Variants in HYCC1 observed in about 807,000 individuals in gnomAD.
HYCC1 encodes the protein hyccin PI4KA lipid kinase complex subunit 1, also known as hyccin.
the HYCC1 span, among the ~76,000 whole-genome samples, chr7:22,998,720 C>T: frequency 1.3e-5 from 2 of 152,162 alleles, no homozygotes; most frequent in Admixed American, 6.6e-5. Context: ...GCTGATCACA[C>T]AGCCTTCTGG....
At chr7:22,916,180 C>T in the HYCC1 span, among the ~76,000 whole-genome samples, 1 of 152,150 alleles carries the variant, frequency 6.6e-6, no homozygotes, top group Non-Finnish European at 1.5e-5. Flanking sequence ...CCTATAAACT[C>T]TCCTTACAAT....
the HYCC1 span, among the ~76,000 whole-genome samples, chr7:22,962,683 G>A: frequency 6.1e-4 from 92 of 151,990 alleles, no homozygotes; most frequent in Non-Finnish European, 1.0e-3. Context: ...CCTGAGATGC[G>A]GGGACATGGG....
At chr7:23,006,023 A>G in the HYCC1 span, among the ~76,000 whole-genome samples, 1 of 152,170 alleles carries the variant, frequency 6.6e-6, no homozygotes, top group Non-Finnish European at 1.5e-5. Flanking sequence ...CACTACTGTG[A>G]CATATACTGA....
chr7:23,006,327 C>T, the HYCC1 span, among the ~76,000 whole-genome samples: 762 of 151,966 alleles, frequency 5.0e-3, 4 homozygotes, highest in Non-Finnish European at 8.3e-3. Context: ...AGTGCAGTGG[C>T]ACAATCTTGG....
chr7:22,960,130 G>A, the HYCC1 span: 8 of 997,836 alleles, frequency 8.0e-6, no homozygotes, highest in Admixed American at 1.7e-5. Context: ...AGGAGTTAAG[G>A]GCAACTCCAC....
At chr7:22,919,063 C>A in the HYCC1 span, among the ~76,000 whole-genome samples, 1 of 152,052 alleles carries the variant, frequency 6.6e-6, no homozygotes, top group Non-Finnish European at 1.5e-5. Context: ...CTAAAATGTC[C>A]AATTTTCATA....
chr7:22,904,870 CAA>C, the HYCC1 span, among the ~76,000 whole-genome samples: 34 of 104,888 alleles, frequency 3.2e-4, no homozygotes, highest in Admixed American at 3.9e-4. Context: ...GACTTTGTCT[CAA>C]AAAAAAAAAA....
the HYCC1 span, among the ~76,000 whole-genome samples, chr7:22,984,383 A>C: frequency 6.6e-6 from 1 of 152,198 alleles, no homozygotes; most frequent in Non-Finnish European, 1.5e-5. Context: ...AAGGACATAA[A>C]CTAACATCAA....
chr7:22,960,547 A>G, the HYCC1 span: 4 of 725,716 alleles, frequency 5.5e-6, no homozygotes, highest in African/African-American at 3.5e-5. Flanking sequence ...ATAAGATGAT[A>G]CAGAAATCCT....
the HYCC1 span, chr7:22,936,944 T>C: frequency 6.6e-6 from 1 of 152,214 alleles, no homozygotes; most frequent in African/African-American, 2.4e-5. Flanking sequence ...GTTTGGTTTG[T>C]CCTTCTTTCA....
At chr7:22,990,768 TG>T in the HYCC1 span, among the ~76,000 whole-genome samples, 1 of 152,210 alleles carries the variant, frequency 6.6e-6, no homozygotes, top group South Asian at 2.1e-4. Context: ...GAATCACTGA[TG>T]GTCGCTGGAG....
At chr7:22,967,994 T>C in the HYCC1 span, among the ~76,000 whole-genome samples, 2 of 152,266 alleles carry the variant, frequency 1.3e-5, no homozygotes, top group African/African-American at 2.4e-5. Context: ...TCTTTCCCCA[T>C]AAAATCAAGA....
chr7:22,944,633 GACAA>G, the HYCC1 span: 2 of 152,042 alleles, frequency 1.3e-5, no homozygotes, highest in Non-Finnish European at 2.9e-5. Flanking sequence ...TGCATTTGCA[GACAA>G]ACAATTACAT....
the HYCC1 span, among the ~76,000 whole-genome samples, chr7:22,969,332 G>A: frequency 4.6e-5 from 7 of 151,838 alleles, no homozygotes; most frequent in South Asian, 1.3e-3. Flanking sequence ...GTGTGTGTGT[G>A]TGTGTGTATT....
At chr7:22,976,953 G>C in the HYCC1 span, 33 of 624,634 alleles carry the variant, frequency 5.3e-5, no homozygotes, top group South Asian at 6.1e-4. Flanking sequence ...TTTTCTGCTC[G>C]AAGATTTAAT....
chr7:22,932,371 T>C, the HYCC1 span, among the ~76,000 whole-genome samples: 10 of 152,154 alleles, frequency 6.6e-5, no homozygotes, highest in South Asian at 4.1e-4. Flanking sequence ...GCCCAGAAGA[T>C]GGAGCACCAA....
chr7:22,912,648 T>C, the HYCC1 span, among the ~76,000 whole-genome samples: 6 of 152,174 alleles, frequency 3.9e-5, no homozygotes, highest in Admixed American at 2.6e-4. Flanking sequence ...AGATTTTTCC[T>C]ATGGGGAGAG....
At chr7:22,935,039 G>A in the HYCC1 span, 1 of 152,146 alleles carries the variant, frequency 6.6e-6, no homozygotes, top group Non-Finnish European at 1.5e-5. Context: ...TAAAATCAGG[G>A]CTAAGGATAG....
the HYCC1 span, among the ~76,000 whole-genome samples, chr7:22,908,826 A>G: frequency 6.6e-6 from 1 of 152,150 alleles, no homozygotes; most frequent in Non-Finnish European, 1.5e-5. Context: ...TAAGAGTGTG[A>G]TTTATTGTGG....
Sources: allele counts gnomAD v4.1 joint callset (sites outside exome capture counted in the v4.1 genomes callset), GRCh38; gene constraint gnomAD v4.1.1; transcripts MANE v1.5; gene names NCBI Gene and HGNC (gene_info 2026-07-23, HGNC 2026-07-21).